The following NLGN1 variants were observed in gnomAD, a reference collection of about 807,000 sequenced individuals.
NLGN1 encodes the protein neuroligin 1.
In NLGN1, 12 loss-of-function variants were observed where a neutral mutation model predicts 65.5. The observed-to-expected ratio is 0.18, with a 90% CI of 0.12 to 0.30. The LOEUF (loss-of-function observed/expected upper bound fraction) is 0.30. Ranked by LOEUF, NLGN1 falls within the 10% of genes least tolerant of loss-of-function variation. The probability of loss-of-function intolerance (pLI) is 1.00; values close to 1 mark genes in which losing one functional copy is unlikely to be tolerated. For synonymous variants in NLGN1, 350 were observed against 359.5 expected (o/e 0.97, Z 0.30); for missense variants, 750 against 1,007.1 (o/e 0.74, Z 3.46).
At chr3:174,248,762 AAAAAAT>A (rs1197163787) in intron 4 of NLGN1, among the ~76,000 whole-genome samples, 1 of 152,252 alleles carries the variant, frequency 6.6e-6, no homozygotes, top group Non-Finnish European at 1.5e-5. Flanking sequence ...CTCTGCCTCA[AAAAAAT>A]AAAAATAAAA....
At position 173,479,093 on chromosome 3, in the gene NLGN1, T is replaced by C. The variant is rs1419339265; in HGVS notation, c.-321+44015T>C. On this transcript the variant is annotated intron_variant, in intron 2 of 6. Coordinates refer to ENST00000457714, the Ensembl canonical transcript of NLGN1. ...GTAAAACAGGATATACTATAAAAGA[T>C]GTCTGTGTTTGTTTGTTAAATAAAC... Among the ~76,000 whole-genome samples the C allele has an allele frequency of 2.6e-5, 4 of 152,216 alleles. No homozygotes were observed. In the East Asian group the frequency reaches 7.7e-4, roughly 29 times the overall value.
chr3:173,880,542 G>T (rs1484470839), intron 4 of NLGN1, among the ~76,000 whole-genome samples: 2 of 150,640 alleles, frequency 1.3e-5, no homozygotes, highest in Non-Finnish European at 3.0e-5. Context: ...CTATACTGTT[G>T]TCCATTAGGT....
intron 4 of NLGN1, among the ~76,000 whole-genome samples, chr3:173,841,605 G>A (rs1310882541): frequency 6.6e-6 from 1 of 152,140 alleles, no homozygotes; most frequent in Admixed American, 6.5e-5. Flanking sequence ...ATGGAGGGAG[G>A]GCACAGCTGA....
Position 173,663,575 on chromosome 3 carries a change from G to A in NLGN1, c.493+58484G>A, listed in dbSNP as rs139375528. On this transcript the variant is annotated intron_variant, in intron 3 of 6. Coordinates refer to ENST00000457714, the Ensembl canonical transcript of NLGN1. Reference sequence around the variant, plus strand: ...TAATAAATAGCATTGGAAAGGTATTGTAAAGAACCGTGCTGAACAAGAGAA... The same window carrying A: ...TAATAAATAGCATTGGAAAGGTATTATAAAGAACCGTGCTGAACAAGAGAA... Among the ~76,000 whole-genome samples, 781 of 152,066 alleles carry A rather than the reference G, an allele frequency of 5.1e-3. 6 individuals are homozygous for A. The highest frequency in any genetic ancestry group is 0.018 in the African/African-American group (736 of 41,538).
At chr3:174,183,314 A>G (rs1367678360) in intron 4 of NLGN1, among the ~76,000 whole-genome samples, 1 of 152,034 alleles carries the variant, frequency 6.6e-6, no homozygotes, top group Non-Finnish European at 1.5e-5. Flanking sequence ...AGTTCTATTT[A>G]TCTCTACTGA....
intron 4 of NLGN1, among the ~76,000 whole-genome samples, chr3:174,068,112 T>C (rs907569190): frequency 3.3e-5 from 5 of 152,010 alleles, no homozygotes; most frequent in African/African-American, 1.2e-4. Context: ...TTTTAGGCAC[T>C]GTGAAGATAG....
At chr3:173,643,893 T>C (rs1757800531) in intron 3 of NLGN1, among the ~76,000 whole-genome samples, 1 of 152,098 alleles carries the variant, frequency 6.6e-6, no homozygotes, top group South Asian at 2.1e-4. Context: ...CACACTTGAC[T>C]TTCTCTCTAT....
chr3:174,255,847 C>T (rs1032507669), intron 4 of NLGN1, among the ~76,000 whole-genome samples: 3 of 151,722 alleles, frequency 2.0e-5, no homozygotes, highest in Non-Finnish European at 2.9e-5. Flanking sequence ...TTTATATAGA[C>T]GATGTTTTGC....
intron 4 of NLGN1, among the ~76,000 whole-genome samples, chr3:174,052,180 T>C (rs746160152): frequency 1.2e-4 from 18 of 151,944 alleles, no homozygotes; most frequent in Non-Finnish European, 2.2e-4. Context: ...AAGTGAGAAA[T>C]GTAAAATGAG....
intron 4 of NLGN1, among the ~76,000 whole-genome samples, chr3:174,189,617 G>T (rs1037990641): frequency 2.0e-5 from 3 of 151,690 alleles, no homozygotes; most frequent in South Asian, 2.1e-4. Flanking sequence ...TTCCAAATCT[G>T]CAGTGTATTG....
At chr3:174,126,648 G>A (rs1289394167) in intron 4 of NLGN1, among the ~76,000 whole-genome samples, 2 of 151,994 alleles carry the variant, frequency 1.3e-5, no homozygotes, top group Admixed American at 1.3e-4. Context: ...ACCTGGGACT[G>A]AGAAGAGAAT....
At chr3:173,637,591 A>G (rs1385352926) in intron 3 of NLGN1, among the ~76,000 whole-genome samples, 6 of 152,160 alleles carry the variant, frequency 3.9e-5, no homozygotes, top group Non-Finnish European at 1.5e-5. Context: ...ATGACTCTTA[A>G]TTGCTTCCAC....
At position 174,052,697 on chromosome 3, in the gene NLGN1, A is replaced by C. The variant is rs1456235595; in HGVS notation, c.647-222618A>C. On this transcript the variant is annotated intron_variant, in intron 4 of 6. Transcript: ENST00000457714. Reference sequence around the variant, plus strand: ...ATCTTACTAGTCTATTTAATAGGACAAAGTGATTAGGTGCTTCTATTTGAG... The same window carrying C: ...ATCTTACTAGTCTATTTAATAGGACCAAGTGATTAGGTGCTTCTATTTGAG... Among the ~76,000 whole-genome samples the C allele has an allele frequency of 2.0e-5, 3 of 152,054 alleles. No homozygotes were observed. In the South Asian group the frequency reaches 6.2e-4, roughly 32 times the overall value.
intron 3 of NLGN1, among the ~76,000 whole-genome samples, chr3:173,676,074 T>C (rs1763132022): frequency 6.6e-6 from 1 of 152,032 alleles, no homozygotes; most frequent in Non-Finnish European, 1.5e-5. Flanking sequence ...GTAATATTTC[T>C]TACAACTACA....
chr3:174,031,661 TAGA>T, intron 4 of NLGN1, among the ~76,000 whole-genome samples: 2 of 152,190 alleles, frequency 1.3e-5, no homozygotes, highest in Middle Eastern at 6.8e-3. Flanking sequence ...AAAATTTTAA[TAGA>T]AGGTTTAGAA....
rs146233073 is a variant in NLGN1, at chr3:173,511,117, C to T, written c.-321+76039C>T. Among the ~76,000 whole-genome samples, 546 of 152,148 alleles carry T rather than the reference C, an allele frequency of 3.6e-3. 4 individuals are homozygous for T. Among genetic ancestry groups the T allele is most frequent in the Non-Finnish European group, 5.8e-3 (393 of 67,998 alleles). On this transcript the variant is annotated intron_variant, in intron 2 of 6. Transcript: ENST00000457714. ...TTTATGGAAGCATTTGATATGAAGG[C>T]GTCTCATTTAGTATTGAAGAGAAAA...
chr3:173,455,307 C>A (rs1049669645), intron 2 of NLGN1, among the ~76,000 whole-genome samples: 2 of 151,982 alleles, frequency 1.3e-5, no homozygotes, highest in Non-Finnish European at 2.9e-5. Context: ...TCTTTTAAAC[C>A]GTGAAATCTC....
intron 4 of NLGN1, among the ~76,000 whole-genome samples, chr3:174,083,051 C>A (rs1742562041): frequency 6.6e-6 from 1 of 152,044 alleles, no homozygotes; most frequent in Non-Finnish European, 1.5e-5. Flanking sequence ...CTACTTTATT[C>A]TCTATCATTT....
At chr3:174,048,532 C>A in intron 4 of NLGN1, among the ~76,000 whole-genome samples, 1 of 150,680 alleles carries the variant, frequency 6.6e-6, no homozygotes, top group Admixed American at 6.6e-5. Context: ...ATTACTGAAG[C>A]TGAAAAAAAA....
Sources: allele counts gnomAD v4.1 joint callset (sites outside exome capture counted in the v4.1 genomes callset), GRCh38; gene constraint gnomAD v4.1.1; transcripts MANE v1.5; gene names NCBI Gene and HGNC (gene_info 2026-07-23, HGNC 2026-07-21).